The following GALNT13 variants were observed in gnomAD, a reference collection of about 807,000 sequenced individuals.
GALNT13 encodes UDP-GalNAc:polypeptide N-acetylgalactosaminyltransferase 13.
Under a neutral mutation model 64.2 loss-of-function variants are expected in GALNT13, and 28 were observed. The observed-to-expected ratio is 0.44, with a 90% CI of 0.32 to 0.60. The LOEUF (loss-of-function observed/expected upper bound fraction) is 0.60. GALNT13 is among the 20% of genes least tolerant of loss of function. The pLI, the probability that GALNT13 is intolerant of heterozygous loss-of-function variation, is 0.05. For missense variants in GALNT13, 577 were observed against 669.8 expected (o/e 0.86, Z 1.53); for synonymous variants, 214 against 224.6 (o/e 0.95, Z 0.42).
At chr2:153,637,848 T>C in the GALNT13 span, among the ~76,000 whole-genome samples, 1 of 152,186 alleles carries the variant, frequency 6.6e-6, no homozygotes, top group African/African-American at 2.4e-5. Flanking sequence ...AATGATTGAT[T>C]CCGTCATTCA....
intron 3 of GALNT13, among the ~76,000 whole-genome samples, chr2:154,080,205 A>T (rs1012290275): frequency 1.3e-5 from 2 of 151,568 alleles, no homozygotes; most frequent in Non-Finnish European, 3.0e-5. Context: ...TGCATCCTTT[A>T]TTCATTCTGC....
chr2:153,116,758 C>T, the GALNT13 span, among the ~76,000 whole-genome samples: 39 of 148,436 alleles, frequency 2.6e-4, no homozygotes, highest in African/African-American at 9.4e-4. Context: ...ATGACCACAA[C>T]ATTGAGGATG....
At chr2:154,100,920 G>A (rs907669314) in intron 3 of GALNT13, among the ~76,000 whole-genome samples, 3 of 149,942 alleles carry the variant, frequency 2.0e-5, no homozygotes, top group Admixed American at 6.6e-5. Context: ...ATGAGAGGAT[G>A]TTGGAGTTTA....
At chr2:153,493,950 A>G in the GALNT13 span, among the ~76,000 whole-genome samples, 6 of 152,102 alleles carry the variant, frequency 3.9e-5, no homozygotes, top group East Asian at 9.6e-4. Flanking sequence ...TTACAGTTCT[A>G]TGGGCTATAC....
chr2:153,215,125 T>C, the GALNT13 span, among the ~76,000 whole-genome samples: 1 of 152,086 alleles, frequency 6.6e-6, no homozygotes, highest in East Asian at 1.9e-4. Context: ...TTTATTTGCA[T>C]TTTAGATAAT....
the GALNT13 span, among the ~76,000 whole-genome samples, chr2:153,181,821 T>C: frequency 3.0e-3 from 444 of 145,836 alleles, 5 homozygotes; most frequent in Middle Eastern, 0.022. Flanking sequence ...ATTATATTTA[T>C]ATAATATAAC....
chr2:153,549,185 T>C, the GALNT13 span, among the ~76,000 whole-genome samples: 444 of 152,232 alleles, frequency 2.9e-3, 4 homozygotes, highest in African/African-American at 0.01. Flanking sequence ...TAGATAGTAA[T>C]GATGTTTGCA....
chr2:153,959,496 G>A (rs1415932108), intron 3 of GALNT13, among the ~76,000 whole-genome samples: 1 of 152,216 alleles, frequency 6.6e-6, no homozygotes, highest in African/African-American at 2.4e-5. Context: ...AAATGGTGGA[G>A]CAATAAAATG....
chr2:153,825,265 C>T, the GALNT13 span, among the ~76,000 whole-genome samples: 388 of 152,012 alleles, frequency 2.6e-3, 7 homozygotes, highest in Non-Finnish European at 2.9e-3. Flanking sequence ...ATTATATGAC[C>T]CAAAATGTTA....
chr2:154,350,761 A>C (rs534510732), intron 9 of GALNT13, among the ~76,000 whole-genome samples: 1 of 152,288 alleles, frequency 6.6e-6, no homozygotes, highest in African/African-American at 2.4e-5. Flanking sequence ...AGTAGCCCTC[A>C]TATGCTCATG....
the GALNT13 span, chr2:153,592,886 G>A: frequency 4.6e-5 from 7 of 152,372 alleles, no homozygotes; most frequent in East Asian, 1.9e-4. Context: ...TTAGAGAGCC[G>A]GGTGAAATAC....
chr2:153,385,834 CACT>C, the GALNT13 span, among the ~76,000 whole-genome samples: 2 of 150,542 alleles, frequency 1.3e-5, no homozygotes, highest in Non-Finnish European at 3.0e-5. Context: ...TAACTATATA[CACT>C]ACTATGTACC....
the GALNT13 span, among the ~76,000 whole-genome samples, chr2:153,249,141 A>C: frequency 6.6e-6 from 1 of 152,256 alleles, no homozygotes; most frequent in Non-Finnish European, 1.5e-5. Flanking sequence ...CCATCATCTC[A>C]GCCCAAAAGC....
At chr2:154,091,435 A>AT (rs1444133653) in intron 3 of GALNT13, among the ~76,000 whole-genome samples, 1 of 151,950 alleles carries the variant, frequency 6.6e-6, no homozygotes, top group African/African-American at 2.4e-5. Flanking sequence ...ACTCAAAATA[A>AT]TTTTTACAAG....
chr2:153,335,278 G>T, the GALNT13 span, among the ~76,000 whole-genome samples: 1 of 152,200 alleles, frequency 6.6e-6, no homozygotes, highest in African/African-American at 2.4e-5. Flanking sequence ...AAATGTAGAA[G>T]CAGCTTAGGA....
At chr2:153,405,398 C>G in the GALNT13 span, among the ~76,000 whole-genome samples, 1 of 152,132 alleles carries the variant, frequency 6.6e-6, no homozygotes, top group Non-Finnish European at 1.5e-5. Context: ...GTGTGTGTGC[C>G]TGTGTATCTT....
At chr2:153,455,003 G>T in the GALNT13 span, among the ~76,000 whole-genome samples, 1 of 152,198 alleles carries the variant, frequency 6.6e-6, no homozygotes, top group African/African-American at 2.4e-5. Flanking sequence ...GTATATACAT[G>T]TATATTTGAG....
chr2:154,396,851 T>C (rs1349182113), intron 10 of GALNT13, among the ~76,000 whole-genome samples: 3 of 151,772 alleles, frequency 2.0e-5, no homozygotes, highest in Non-Finnish European at 4.4e-5. Context: ...TTTCTACATA[T>C]CTATTTTATC....
chr2:154,116,526 A>G (rs1410387111), intron 3 of GALNT13, among the ~76,000 whole-genome samples: 1 of 152,008 alleles, frequency 6.6e-6, no homozygotes, highest in Non-Finnish European at 1.5e-5. Context: ...TTCTTTCATC[A>G]CTTTGTCCAC....
Sources: allele counts gnomAD v4.1 joint callset (sites outside exome capture counted in the v4.1 genomes callset), GRCh38; gene constraint gnomAD v4.1.1; transcripts MANE v1.5; gene names NCBI Gene and HGNC (gene_info 2026-07-23, HGNC 2026-07-21).